Variants in ZDHHC17 observed in about 807,000 individuals in gnomAD.
ZDHHC17 encodes the protein palmitoyltransferase ZDHHC17.
Under a neutral mutation model 90.3 loss-of-function variants are expected in ZDHHC17, and 40 were observed. That is an observed-to-expected ratio of 0.44 (90% CI 0.34 to 0.58). ZDHHC17 has a LOEUF of 0.58. Ranked by LOEUF, ZDHHC17 falls within the 20% of genes least tolerant of loss-of-function variation. The pLI is 0.01. For synonymous variants in ZDHHC17, 235 were observed against 252.4 expected (o/e 0.93, Z 0.65); for missense variants, 614 against 780.8 (o/e 0.79, Z 2.55).
chr12:76,772,816 A>T (rs1952511261), intron 1 of ZDHHC17, among the ~76,000 whole-genome samples: 1 of 149,948 alleles, frequency 6.7e-6, no homozygotes, highest in African/African-American at 2.5e-5. Context: ...AAGTGCTGGG[A>T]TTACAGGCGT....
chr12:76,852,038 G>GA lies in ZDHHC17; in HGVS notation c.*1056dup, dbSNP rs1336031093. On this transcript the variant is annotated 3_prime_UTR_variant, in exon 17 of 17. Transcript: ENST00000426126. ...CTGGTTTCAATAAAATGACCTATCA[G>GA]AAAGTAGAATTTCATCCCCAAGAGT... is the stretch of plus-strand genomic sequence containing the variant. 1.3e-5 allele frequency: 2 copies of GA among 152,590 alleles called. No individual in the cohort carries two copies. The highest frequency in any genetic ancestry group is 4.8e-5 in the African/African-American group (2 of 41,434). 9.5% of individuals were successfully genotyped at this position (152,590 alleles called of 1,614,324 possible).
Position 76,853,124 on chromosome 12 carries a change from T to G in ZDHHC17, c.*2139T>G, listed in dbSNP as rs1234090590. ...CAGTGCAAAAGAGATGTCATTCAGTTAAAAAGACAAACCTCTAGATGTGTA... is the reference window on the plus strand; with the variant it reads ...CAGTGCAAAAGAGATGTCATTCAGTGAAAAAGACAAACCTCTAGATGTGTA... On this transcript the variant is annotated 3_prime_UTR_variant, in exon 17 of 17. Transcript: ENST00000426126. The G allele has an allele frequency of 2.0e-5, 3 of 152,170 alleles. No individual in the cohort carries two copies. The highest frequency in any genetic ancestry group is 4.4e-5 in the Non-Finnish European group (3 of 68,014). 9.4% of individuals were successfully genotyped at this position (152,170 alleles called of 1,614,324 possible). A position where few individuals can be genotyped will look rare whatever the true frequency, so the allele number is the denominator to read the frequency against.
chr12:76,816,440 T>C lies in ZDHHC17; in HGVS notation c.771+421T>C, dbSNP rs1392527146. ...GTTATTTCTTTTCATTTTTAAAGCCTCAGGATCCACCATGTCTTTCAGCAA... is the reference window on the plus strand; with the variant it reads ...GTTATTTCTTTTCATTTTTAAAGCCCCAGGATCCACCATGTCTTTCAGCAA... On this transcript the variant is annotated intron_variant, in intron 7 of 16. Transcript: ENST00000426126. 7.9e-5 allele frequency among the ~76,000 whole-genome samples: 12 copies of C among 152,216 alleles called. 1 individual carries two copies. The East Asian group carries it at 2.3e-3, about 29-fold the overall frequency.
At chr12:76,795,881 A>G (rs1471094632) in intron 1 of ZDHHC17, among the ~76,000 whole-genome samples, 1 of 152,148 alleles carries the variant, frequency 6.6e-6, no homozygotes, top group African/African-American at 2.4e-5. Flanking sequence ...AGAATGATGT[A>G]TATTTCTTTC....
rs1246057728 is a variant in ZDHHC17 at position 76,828,398 on chromosome 12, T to C, written c.1049T>C (p.Phe350Ser). 6.3e-7 allele frequency: 1 copy of C among 1,597,864 alleles called. No individual in the cohort carries two copies. The highest frequency in any genetic ancestry group is 8.5e-7 in the Non-Finnish European group (1 of 1,174,502). The change falls in exon 10 of 17, where the codon TTC (phenylalanine) becomes TCC (serine). Residue 350 changes from phenylalanine (F) to serine (S), a missense_variant. This residue lies in a region of ZDHHC17 where 117 missense variants were observed against 183.6 expected (regional missense o/e 0.64). Transcript: ENST00000426126. The part of the protein sequence containing the change: ...ATVQFLSKSF[F>S]DHSMHSALPL... ...AAACTTGTGTTTTACAGATCCTTTT[T>C]CGATCATTCAATGCATAGTGCATTG...
intron 15 of ZDHHC17, among the ~76,000 whole-genome samples, chr12:76,848,711 T>C (rs2137809327): frequency 6.6e-6 from 1 of 152,322 alleles, no homozygotes; most frequent in South Asian, 2.1e-4. Flanking sequence ...CAAATACTAA[T>C]ATTTATTCAA....
At chr12:76,810,225 T>A (rs973769104) in intron 5 of ZDHHC17, among the ~76,000 whole-genome samples, 2 of 152,164 alleles carry the variant, frequency 1.3e-5, no homozygotes, top group Non-Finnish European at 2.9e-5. Context: ...TAAATATCTC[T>A]TGAGAGGGAT....
intron 11 of ZDHHC17, 52 bp downstream of exon 11, chr12:76,842,158 T>C: frequency 6.7e-7 from 1 of 1,491,568 alleles, no homozygotes; most frequent in Non-Finnish European, 8.9e-7. Context: ...ATTATCAGTA[T>C]TTACAGCAGA....
At chr12:76,782,649 G>C (rs1952640480) in intron 1 of ZDHHC17, among the ~76,000 whole-genome samples, 1 of 152,128 alleles carries the variant, frequency 6.6e-6, no homozygotes, top group Non-Finnish European at 1.5e-5. Context: ...AATTGTGCTG[G>C]AGAATGTCTC....
intron 1 of ZDHHC17, chr12:76,764,810 C>G (rs562000702): frequency 2.2e-6 from 1 of 456,950 alleles, no homozygotes; most frequent in South Asian, 1.5e-5. Flanking sequence ...GATGTCCTTC[C>G]AGGTAATGCC....
intron 1 of ZDHHC17, among the ~76,000 whole-genome samples, chr12:76,773,091 C>T (rs1460388612): frequency 6.6e-6 from 1 of 152,152 alleles, no homozygotes; most frequent in African/African-American, 2.4e-5. Context: ...CTCCTGACCT[C>T]AGGTGATCTG....
Position 76,764,204 on chromosome 12 carries a change from G to A in ZDHHC17, c.-33G>A, listed in dbSNP as rs776067431. On this transcript the variant is annotated 5_prime_UTR_variant, in exon 1 of 17. Coordinates refer to ENST00000426126, the MANE Select transcript of ZDHHC17 (RefSeq NM_015336.4). ...CCCGCGCTCGCCCTCCGCCTCGCCC[G>A]AGCCCCGGGAGGGTGAAACGCTTTC... is the stretch of plus-strand genomic sequence containing the variant. The A allele has an allele frequency of 2.2e-6, 3 of 1,341,572 alleles. No homozygotes were observed. The highest frequency in any genetic ancestry group is 3.0e-6 in the Non-Finnish European group (3 of 998,580). The allele number at this position is 1,341,572 out of a possible 1,614,324, so 83.1% of individuals were successfully genotyped here.
Position 76,853,665 on chromosome 12 carries a change from A to T in ZDHHC17, c.*2680A>T, listed in dbSNP as rs1953590061. 6.6e-6 allele frequency: 1 copy of T among 152,478 alleles called. No individual in the cohort carries two copies. Among genetic ancestry groups the T allele is most frequent in the South Asian group, 2.1e-4 (1 of 4,830 alleles). The allele number at this position is 152,478 out of a possible 1,614,324, so 9.4% of individuals were successfully genotyped here. A position where few individuals can be genotyped will look rare whatever the true frequency, so the allele number is the denominator to read the frequency against. On this transcript the variant is annotated 3_prime_UTR_variant, in exon 17 of 17. Coordinates refer to ENST00000426126, the MANE Select transcript of ZDHHC17 (RefSeq NM_015336.4). ...ATAAATTAAATGTCAAAATTTTGTA[A>T]AATATTAATCAGAATAAATACTGAC...
At chr12:76,802,837 A>G (rs568149795) in intron 2 of ZDHHC17, among the ~76,000 whole-genome samples, 1 of 152,228 alleles carries the variant, frequency 6.6e-6, no homozygotes, top group Non-Finnish European at 1.5e-5. Context: ...ACGAGCTTAC[A>G]TTGATTTGAG....
chr12:76,827,165 A>G, intron 9 of ZDHHC17, 115 bp downstream of exon 9: 1 of 1,182,130 alleles, frequency 8.5e-7, no homozygotes, highest in South Asian at 2.0e-5. Flanking sequence ...TATTTAAATA[A>G]TTTAGACATC....
chr12:76,834,966 C>G (rs1953346398), intron 10 of ZDHHC17, among the ~76,000 whole-genome samples: 1 of 151,186 alleles, frequency 6.6e-6, no homozygotes, highest in Admixed American at 6.6e-5. Flanking sequence ...TGTTATTTCT[C>G]AGGAATATCT....
intron 13 of ZDHHC17, among the ~76,000 whole-genome samples, 182 bp downstream of exon 13, chr12:76,845,984 A>G (rs1191351209): frequency 6.6e-6 from 1 of 152,208 alleles, no homozygotes; most frequent in Non-Finnish European, 1.5e-5. Flanking sequence ...TTACAAAATT[A>G]GTGGCTGATA....
chr12:76,781,843 G>C (rs1426182976), intron 1 of ZDHHC17, among the ~76,000 whole-genome samples: 2 of 152,188 alleles, frequency 1.3e-5, no homozygotes, highest in Admixed American at 6.5e-5. Context: ...ACATGTATCA[G>C]CACAGATAAA....
intron 1 of ZDHHC17, among the ~76,000 whole-genome samples, chr12:76,768,380 G>A (rs1295797379): frequency 6.6e-6 from 1 of 152,164 alleles, no homozygotes; most frequent in African/African-American, 2.4e-5. Flanking sequence ...TCAGACTCAA[G>A]TGTTCTGGTT....
Sources: gnomAD v4.1 joint callset for allele counts (sites outside exome capture counted in the v4.1 genomes callset) on GRCh38, gnomAD v4.1.1 for gene constraint, gnomAD v4.1.1 regional missense constraint, MANE v1.5 for transcripts, NCBI Gene and HGNC (gene_info 2026-07-23, HGNC 2026-07-21) for gene names.